PLCL1: variants seen among roughly 807,000 people sequenced by gnomAD.
PLCL1 encodes the protein inactive phospholipase C-like protein 1.
Under a neutral mutation model 84.4 loss-of-function variants are expected in PLCL1, and 41 were observed. That is an observed-to-expected ratio of 0.49 (90% CI 0.38 to 0.63). The LOEUF (loss-of-function observed/expected upper bound fraction) is 0.63. Among genes scored for constraint, PLCL1 ranks in the 30% least tolerant of loss-of-function variants. PLCL1 has a pLI of 0.00. For missense variants in PLCL1, 1,206 were observed against 1,367.8 expected, an observed-to-expected ratio of 0.88 and a Z score of 1.87; for synonymous variants, 490 against 488.3, an observed-to-expected ratio of 1.00 and a Z score of -0.05.
intron 1 of PLCL1, among the ~76,000 whole-genome samples, chr2:197,856,846 T>C (rs1037948719): frequency 2.0e-5 from 3 of 152,228 alleles, no homozygotes; most frequent in East Asian, 1.9e-4. Flanking sequence ...ATATTCTTCA[T>C]TACCTTTATT....
intron 1 of PLCL1, among the ~76,000 whole-genome samples, chr2:197,911,852 T>C (rs1033711815): frequency 6.6e-6 from 1 of 152,210 alleles, no homozygotes; most frequent in Non-Finnish European, 1.5e-5. Flanking sequence ...CTTGAGTCCC[T>C]GTCAGAACAC....
chr2:197,893,565 T>C lies in PLCL1; in HGVS notation c.240+88226T>C, dbSNP rs7591083. Reference sequence around the variant, plus strand: ...GCACAGGCATCATTACAAATGTGACTTTACAAATGTGAGAAGGCTGAGGCT... The same window carrying C: ...GCACAGGCATCATTACAAATGTGACCTTACAAATGTGAGAAGGCTGAGGCT... On this transcript the variant is annotated intron_variant, in intron 1 of 5. Coordinates refer to ENST00000428675, the MANE Select transcript of PLCL1 (RefSeq NM_006226.4). 3.4e-3 allele frequency among the ~76,000 whole-genome samples: 522 copies of C among 152,318 alleles called. 4 individuals carry two copies. Among genetic ancestry groups the C allele is most frequent in the African/African-American group, 0.012 (485 of 41,578 alleles).
rs1691007924 is a variant in PLCL1 at position 197,829,451 on chromosome 2, T to G, written c.240+24112T>G. Among the ~76,000 whole-genome samples the G allele has an allele frequency of 2.6e-5, 4 of 152,202 alleles. No homozygotes were observed. In the South Asian group the frequency reaches 8.3e-4, roughly 32 times the overall value. On this transcript the variant is annotated intron_variant, in intron 1 of 5. Coordinates refer to ENST00000428675, the MANE Select transcript of PLCL1 (RefSeq NM_006226.4). Reference sequence around the variant, plus strand: ...ACACACTATTTCATACTGTATTATGTTGAATTTATGCATCGTTAAAATTAT... The same window carrying G: ...ACACACTATTTCATACTGTATTATGGTGAATTTATGCATCGTTAAAATTAT...
At chr2:197,993,516 G>A (rs1690387994) in intron 1 of PLCL1, among the ~76,000 whole-genome samples, 1 of 152,122 alleles carries the variant, frequency 6.6e-6, no homozygotes. Flanking sequence ...TCTCAGAAGT[G>A]TGGGCAGTGT....
intron 1 of PLCL1, among the ~76,000 whole-genome samples, chr2:197,974,352 AG>A (rs1345949903): frequency 2.0e-5 from 3 of 152,234 alleles, no homozygotes; most frequent in African/African-American, 7.2e-5. Context: ...TGAAAAGATA[AG>A]TAAAAGTTTA....
chr2:198,106,915 T>C lies in PLCL1; in HGVS notation c.3105+2979T>C, dbSNP rs373135734. Among the ~76,000 whole-genome samples, 15 of 151,976 alleles carry C rather than the reference T, an allele frequency of 9.9e-5. 1 individual carries two copies. The highest frequency in any genetic ancestry group is 2.0e-4 in the Admixed American group (3 of 15,222). On this transcript the variant is annotated intron_variant, in intron 5 of 5. Transcript: ENST00000428675. ...GCTAGTAAACAGCCAGCCTGCAATT[T>C]TTAACTCACGCCCATGGTTCTATCC... is the stretch of plus-strand genomic sequence containing the variant.
chr2:198,133,432 C>T (rs150727670), intron 5 of PLCL1, among the ~76,000 whole-genome samples: 2,336 of 148,294 alleles, frequency 0.016, 21 homozygotes, highest in African/African-American at 0.019. Context: ...GGCTAGATGA[C>T]GAGTTAGTGG....
At chr2:197,809,910 A>G (rs905247619) in intron 1 of PLCL1, among the ~76,000 whole-genome samples, 1 of 152,042 alleles carries the variant, frequency 6.6e-6, no homozygotes, top group Non-Finnish European at 1.5e-5. Context: ...TAGGCACTCT[A>G]TGGATTATAT....
intron 1 of PLCL1, among the ~76,000 whole-genome samples, chr2:197,828,426 T>C (rs1265828162): frequency 6.6e-6 from 1 of 152,142 alleles, no homozygotes; most frequent in Non-Finnish European, 1.5e-5. Context: ...AGTCAAAGTT[T>C]TGATTTTTTG....
chr2:197,818,374 C>G (rs1690735614), intron 1 of PLCL1, among the ~76,000 whole-genome samples: 1 of 152,096 alleles, frequency 6.6e-6, no homozygotes. Flanking sequence ...TTTCCCCAGG[C>G]TGAGTAAGGG....
chr2:198,043,652 A>C (rs549291378), intron 1 of PLCL1, among the ~76,000 whole-genome samples: 2 of 152,176 alleles, frequency 1.3e-5, no homozygotes, highest in Non-Finnish European at 2.9e-5. Flanking sequence ...AATCTAGAAC[A>C]ATGCTCCTGG....
intron 1 of PLCL1, among the ~76,000 whole-genome samples, chr2:197,957,246 T>C (rs1689513530): frequency 6.6e-6 from 1 of 152,094 alleles, no homozygotes; most frequent in South Asian, 2.1e-4. Flanking sequence ...TCCTTTGTGT[T>C]ATAATTATTT....
chr2:197,969,272 G>A (rs1689810807), intron 1 of PLCL1, among the ~76,000 whole-genome samples: 2 of 152,176 alleles, frequency 1.3e-5, no homozygotes, highest in African/African-American at 4.8e-5. Flanking sequence ...CCCTCAAAGT[G>A]CATGTGTGAG....
intron 1 of PLCL1, among the ~76,000 whole-genome samples, chr2:198,041,830 A>C (rs1317100656): frequency 6.6e-6 from 1 of 152,220 alleles, no homozygotes; most frequent in Non-Finnish European, 1.5e-5. Context: ...GAGCAAAGGT[A>C]ACAAGGTTGA....
chr2:197,967,573 T>C (rs1245663552), intron 1 of PLCL1, among the ~76,000 whole-genome samples: 8 of 152,232 alleles, frequency 5.3e-5, no homozygotes, highest in Admixed American at 5.2e-4. Flanking sequence ...TATATTTCTT[T>C]ATTTACTTTG....
intron 1 of PLCL1, among the ~76,000 whole-genome samples, chr2:197,968,159 T>C (rs1689785917): frequency 6.6e-6 from 1 of 152,248 alleles, no homozygotes; most frequent in African/African-American, 2.4e-5. Flanking sequence ...TTCAAGGTTC[T>C]GAAATTATTT....
chr2:198,103,273 T>G (rs910757744), intron 4 of PLCL1, among the ~76,000 whole-genome samples: 3 of 152,086 alleles, frequency 2.0e-5, no homozygotes, highest in Admixed American at 1.3e-4. Context: ...CTTATTTACT[T>G]ATTAAAATTT....
intron 1 of PLCL1, among the ~76,000 whole-genome samples, chr2:197,817,884 T>C (rs1182501425): frequency 2.0e-5 from 3 of 151,384 alleles, no homozygotes; most frequent in Non-Finnish European, 4.4e-5. Flanking sequence ...AATTTATTTA[T>C]TTTTTTTAAT....
At chr2:197,897,755 T>A (rs1429683514) in intron 1 of PLCL1, among the ~76,000 whole-genome samples, 1 of 152,186 alleles carries the variant, frequency 6.6e-6, no homozygotes, top group Non-Finnish European at 1.5e-5. Flanking sequence ...AATTTGTTAT[T>A]CTGAGGTCTG....
Sources: gnomAD v4.1 joint callset for allele counts (sites outside exome capture counted in the v4.1 genomes callset) on GRCh38, gnomAD v4.1.1 for gene constraint, MANE v1.5 for transcripts, NCBI Gene and HGNC (gene_info 2026-07-23, HGNC 2026-07-21) for gene names.